The following DNAH17 variants were observed in gnomAD, a reference collection of about 807,000 sequenced individuals.
DNAH17 encodes axonemal beta dynein heavy chain 17.
In DNAH17, 376 loss-of-function variants were observed where a neutral mutation model predicts 485.6. The ratio of observed to expected loss-of-function variants is 0.77; its 90% confidence interval spans 0.71 to 0.84. The LOEUF is 0.84. Ranked by LOEUF, DNAH17 falls within the 40% of genes least tolerant of loss-of-function variation. The pLI, the probability that DNAH17 is intolerant of heterozygous loss-of-function variation, is 0.00. For synonymous variants in DNAH17, 3,031 were observed against 2,405.9 expected (o/e 1.26, Z -7.60); for missense variants, 6,370 against 5,839.3 (o/e 1.09, Z -2.96).
chr17:78,426,522 C>A lies in DNAH17; in HGVS notation c.12850G>T (p.Ala4284Ser). The A allele has an allele frequency of 1.2e-6, 2 of 1,613,698 alleles. No individual in the cohort carries two copies. Among genetic ancestry groups the A allele is most frequent in the South Asian group, 2.2e-5 (2 of 91,002 alleles). Reference sequence around the variant, plus strand: ...CCCATCATGGAGGGGTAGGCCCGGGCCACCCACGTATCAGGCACGGTGTCA... The same window carrying A: ...CCCATCATGGAGGGGTAGGCCCGGGACACCCACGTATCAGGCACGGTGTCA... ...FYDTVPDTWV[A>S]RAYPSMMGLA... Residue 4284 changes from alanine to serine, a missense_variant, in exon 79 of 81, where the codon GCC becomes TCC. Ala to Ser is a moderately conservative substitution (Grantham distance 99). Coordinates refer to ENST00000389840, the MANE Select transcript of DNAH17 (RefSeq NM_173628.4).
intron 11 of DNAH17, among the ~76,000 whole-genome samples, chr17:78,564,603 G>T (rs765309069): frequency 5.3e-5 from 8 of 152,102 alleles, no homozygotes; most frequent in African/African-American, 7.2e-5. Flanking sequence ...TCCTTCAGGG[G>T]CTCCACGTGG....
At chr17:78,567,232 C>G in intron 9 of DNAH17, 66 bp from the exon 10 acceptor site, 1 of 1,528,788 alleles carries the variant, frequency 6.5e-7, no homozygotes, top group South Asian at 1.2e-5. Context: ...AGTTACAAAA[C>G]TAGCTCTGAC....
At chr17:78,562,903 C>T (rs932577845) in intron 11 of DNAH17, among the ~76,000 whole-genome samples, 1 of 152,144 alleles carries the variant, frequency 6.6e-6, no homozygotes, top group Non-Finnish European at 1.5e-5. Context: ...CAGGGTCCCC[C>T]AGTGCTGGGT....
chr17:78,563,393 G>A (rs1432108653), intron 11 of DNAH17, among the ~76,000 whole-genome samples: 2 of 150,804 alleles, frequency 1.3e-5, no homozygotes, highest in Non-Finnish European at 2.9e-5. Context: ...TTGACATGGG[G>A]CAGTTGGAAA....
rs2091818402 is a variant in DNAH17, at chr17:78,548,207, T to TTTTTTTTTTTTC, written c.2391+3327_2391+3328insGAAAAAAAAAAA. 1.1e-4 allele frequency among the ~76,000 whole-genome samples: 14 copies of TTTTTTTTTTTTC among 128,358 alleles called. No homozygotes were observed. In the South Asian group the frequency reaches 3.2e-3, roughly 30 times the overall value. The allele number at this position is 128,358 out of a possible 152,430, so 84.2% of individuals were successfully genotyped here. On this transcript the variant is annotated intron_variant, in intron 16 of 80. Coordinates refer to ENST00000389840, the MANE Select transcript of DNAH17 (RefSeq NM_173628.4). ...TATTTCGTAGATGTCATGGCCTTTT[T>TTTTTTTTTTTTC]TTTTTTTTTTTTTTGGAGACAGAGT...
chr17:78,559,375 CCAATGG>C (rs1270914519), intron 13 of DNAH17, among the ~76,000 whole-genome samples: 2 of 152,216 alleles, frequency 1.3e-5, no homozygotes, highest in Non-Finnish European at 2.9e-5. Flanking sequence ...GCCCTCTTGG[CCAATGG>C]CAATTCTACC....
rs1443208070 is a variant in DNAH17, at chr17:78,537,041, G to A, written c.2859+258C>T. Among the ~76,000 whole-genome samples the A allele has an allele frequency of 1.2e-4, 18 of 152,066 alleles. No individual in the cohort carries two copies. In the East Asian group the frequency reaches 3.3e-3, roughly 28 times the overall value. On this transcript the variant is annotated intron_variant, in intron 19 of 80. Transcript: ENST00000389840. Reference sequence around the variant, plus strand: ...AAAAATAAAAAAATTAGCCGGGTGTGGTGGCGGGTGCCTGTAATCCCAGCT... The same window carrying A: ...AAAAATAAAAAAATTAGCCGGGTGTAGTGGCGGGTGCCTGTAATCCCAGCT...
chr17:78,439,666 T>A (rs1247212020), intron 72 of DNAH17, among the ~76,000 whole-genome samples: 10 of 16,726 alleles, frequency 6.0e-4, no homozygotes. Context: ...AGTACTTCAC[T>A]TTTTTTTTTT....
chr17:78,542,963 A>T (rs1447195871), intron 17 of DNAH17, among the ~76,000 whole-genome samples: 1 of 152,162 alleles, frequency 6.6e-6, no homozygotes, highest in African/African-American at 2.4e-5. Context: ...TAGTATGAAG[A>T]CGTTACTTGG....
Position 78,574,712 on chromosome 17 carries a change from C to A in DNAH17, c.345+1G>T. ...CCGGATGGCAGCCTGGACGCACTCACCTCCTCCACCACCGCGATCAGCTGG... is the reference window on the plus strand; with the variant it reads ...CCGGATGGCAGCCTGGACGCACTCAACTCCTCCACCACCGCGATCAGCTGG... On this transcript the variant is annotated splice_donor_variant, in intron 2 of 80. Transcript: ENST00000389840. LOFTEE classifies it high-confidence loss of function. 6.3e-7 allele frequency: 1 copy of A among 1,597,046 alleles called. No homozygotes were observed. The highest frequency in any genetic ancestry group is 8.6e-7 in the Non-Finnish European group (1 of 1,169,576).
intron 64 of DNAH17, among the ~76,000 whole-genome samples, chr17:78,453,828 C>G (rs971805110): frequency 2.0e-5 from 3 of 152,202 alleles, no homozygotes; most frequent in Non-Finnish European, 2.9e-5. Context: ...GCTGGGACTA[C>G]AGGCTCATGC....
rs1305833331 is a variant in DNAH17 at position 78,428,308 on chromosome 17, C to T, written c.12588+217G>A. The T allele has an allele frequency of 4.8e-6, 3 of 619,684 alleles. No homozygotes were observed. In the African/African-American group the frequency reaches 5.4e-5, roughly 11 times the overall value. The allele number at this position is 619,684 out of a possible 1,614,324, so 38.4% of individuals were successfully genotyped here. A position where few individuals can be genotyped will look rare whatever the true frequency, so the allele number is the denominator to read the frequency against. On this transcript the variant is annotated intron_variant, in intron 77 of 80. Coordinates refer to ENST00000389840, the MANE Select transcript of DNAH17 (RefSeq NM_173628.4). ...CCCCCAAGGATCCCTTTTGTCTGGG[C>T]CCGTACGCTCACCCGAAGCCTGCAG...
Position 78,571,003 on chromosome 17 carries a change from T to C in DNAH17, c.863A>G (p.Tyr288Cys), listed in dbSNP as rs374712970. ...GLKEANDIVLYLKPLRILLEE... is the reference protein window; with the variant it reads ...GLKEANDIVLCLKPLRILLEE... ...CAGCAGGATCCGTAGGGGCTTCAAA[T>C]AGAGCACGATGTCGTTGGCTTCCTT... The change falls in exon 6 of 81, where the codon TAT becomes TGT. Residue 288 changes from tyrosine (Y) to cysteine (C), a missense_variant. Coordinates refer to ENST00000389840, the MANE Select transcript of DNAH17 (RefSeq NM_173628.4). 1.2e-5 allele frequency: 19 copies of C among 1,579,912 alleles called. No homozygotes were observed. Among genetic ancestry groups the C allele is most frequent in the Admixed American group, 1.8e-5 (1 of 55,002 alleles).
At position 78,453,384 on chromosome 17, in the gene DNAH17, C is replaced by G; in HGVS notation, c.10488G>C (p.Val3496=). The G allele has an allele frequency of 6.2e-7, 1 of 1,613,772 alleles. No individual in the cohort carries two copies. The highest frequency in any genetic ancestry group is 8.5e-7 in the Non-Finnish European group (1 of 1,179,786). ...IENIGETVDP[V]LDPLLGRNTI... ...TGTTCCTGCCCAGTAGAGGGTCCAG[C>G]ACGGGGTCCACGGTTTCGCCGATGT... The change falls in exon 65 of 81, where the codon GTG becomes GTC. Residue 3496 remains valine, a synonymous_variant. Transcript: ENST00000389840.
rs568171189 is a variant in DNAH17 at position 78,424,002 on chromosome 17, G to A, written c.13293C>T (p.Ile4431=). The change falls in exon 81 of 81, where the codon ATC becomes ATT. Residue 4431 remains isoleucine (I), a synonymous_variant. Coordinates refer to ENST00000389840, the MANE Select transcript of DNAH17 (RefSeq NM_173628.4). Reference sequence around the variant, plus strand: ...AGGTCCAGACATAGGTGGGGCCGCGGATGCGTGTTTTGTACACGGGACACT... The same window carrying A: ...AGGTCCAGACATAGGTGGGGCCGCGAATGCGTGTTTTGTACACGGGACACT... ...IYECPVYKTR[I]RGPTYVWTFN... is the part of the protein sequence containing the mutation. 7.4e-6 allele frequency: 12 copies of A among 1,614,036 alleles called. 1 individual carries two copies. The South Asian group carries it at 1.3e-4, about 18-fold the overall frequency.
intron 54 of DNAH17, among the ~76,000 whole-genome samples, chr17:78,472,277 T>G (rs1598514356): frequency 7.3e-6 from 1 of 137,452 alleles, no homozygotes; most frequent in Non-Finnish European, 1.5e-5. Context: ...GGAGTAGGGG[T>G]GCGAGGGTTA....
rs191037936 is a variant in DNAH17 at position 78,491,348 on chromosome 17, A to G, written c.6669+95T>C. The stretch of plus-strand genomic sequence containing the variant: ...ACACGCCACCTGCGCCAAGCCTGGC[A>G]TGCAGGGCCTGAGTGCTCCGTAGGC... On this transcript the variant is annotated intron_variant, in intron 43 of 80. Transcript: ENST00000389840. The G allele has an allele frequency of 3.0e-3, 4,493 of 1,497,072 alleles. 14 individuals carry two copies. Among genetic ancestry groups the G allele is most frequent in the Non-Finnish European group, 3.0e-3 (3,314 of 1,112,782 alleles). The allele number at this position is 1,497,072 out of a possible 1,614,324, so 92.7% of individuals were successfully genotyped here. A position where few individuals can be genotyped will look rare whatever the true frequency, so the allele number is the denominator to read the frequency against.
At chr17:78,506,237 G>A (rs1464222150) in intron 30 of DNAH17, among the ~76,000 whole-genome samples, 1 of 150,062 alleles carries the variant, frequency 6.7e-6, no homozygotes, top group Non-Finnish European at 1.5e-5. Context: ...TGCCTCTCGG[G>A]TTCAAGCAAT....
In DNAH17 at chr17:78,460,157, T is replaced by A. The variant is rs376635401; in HGVS notation, c.9435+5A>T. On this transcript the variant is annotated splice_donor_5th_base_variant and intron_variant, in intron 59 of 80. Transcript: ENST00000389840. ...GGGGTCCCCTTTCTTTCCCTCCCCC[T>A]TTACCTTATTCAGAGTGTCCAGAGC... is the stretch of plus-strand genomic sequence containing the variant. 273 of 1,602,016 alleles carry A rather than the reference T, an allele frequency of 1.7e-4. No homozygotes were observed. The African/African-American group carries it at 3.2e-3, about 19-fold the overall frequency.
Sources: gnomAD v4.1 joint callset for allele counts (sites outside exome capture counted in the v4.1 genomes callset) on GRCh38, gnomAD v4.1.1 for gene constraint, MANE v1.5 for transcripts, NCBI Gene and HGNC (gene_info 2026-07-23, HGNC 2026-07-21) for gene names.